PWWP3B: variants seen among roughly 807,000 people sequenced by gnomAD.
The protein encoded by PWWP3B is PWWP domain-containing DNA repair factor 3B.
Under a neutral mutation model 15.7 loss-of-function variants are expected in PWWP3B, and 5 were observed. The ratio of observed to expected loss-of-function variants is 0.32; its 90% CI spans 0.17 to 0.67. The LOEUF is 0.67. Among genes scored for constraint, PWWP3B ranks in the 30% least tolerant of loss-of-function variants. PWWP3B has a pLI of 0.74. For synonymous variants in PWWP3B, 203 were observed against 179.8 expected (o/e 1.13, Z -1.03); for missense variants, 519 against 493.1 (o/e 1.05, Z -0.50).
chrX:106,197,345 T>G (rs1923439238), intron 2 of PWWP3B, among the ~76,000 whole-genome samples: 1 of 111,469 alleles, frequency 9.0e-6, no homozygotes, highest in African/African-American at 3.3e-5. Flanking sequence ...GTTTCCTATC[T>G]CTCCCTCCCA....
chrX:106,197,571 C>T (rs1170549276), intron 2 of PWWP3B, among the ~76,000 whole-genome samples: 4 of 112,442 alleles, frequency 3.6e-5, no homozygotes, highest in African/African-American at 1.3e-4. Context: ...CTGCTTTGTC[C>T]TGAGTCATTT....
chrX:106,194,760 G>C (rs1042925245), intron 2 of PWWP3B, among the ~76,000 whole-genome samples: 5 of 111,971 alleles, frequency 4.5e-5, no homozygotes. Flanking sequence ...CCTTCTAACA[G>C]ACAGGACCCT....
At chrX:106,177,138 C>T (rs1313194900) in intron 2 of PWWP3B, 1 of 113,019 alleles carries the variant, frequency 8.8e-6, no homozygotes, top group Admixed American at 9.3e-5. Context: ...CACATGTTGC[C>T]ATTCCGCTTT....
Position 106,207,726 on chromosome X carries a change from A to G in PWWP3B, c.*203A>G, listed in dbSNP as rs185590779. On this transcript the variant is annotated 3_prime_UTR_variant, in exon 4 of 4. Transcript: ENST00000357175. ...CGCTTCTTCAAAGTTAATTTTGTCA[A>G]CATATTTCAGCAGTTCTACTTTCCC... 12 of 365,046 alleles carry G rather than the reference A, an allele frequency of 3.3e-5. No homozygotes were observed. In the Admixed American group the frequency reaches 4.8e-4, roughly 15 times the overall value. 30.1% of individuals were successfully genotyped at this position (365,046 alleles called of 1,213,427 possible).
intron 2 of PWWP3B, among the ~76,000 whole-genome samples, chrX:106,178,798 G>A (rs1009223669): frequency 1.2e-4 from 13 of 112,218 alleles, no homozygotes; most frequent in Non-Finnish European, 2.4e-4. Context: ...ACAGGAAATA[G>A]TATCTTTCCA....
At chrX:106,199,552 G>A (rs1418630999) in intron 2 of PWWP3B, among the ~76,000 whole-genome samples, 1 of 110,957 alleles carries the variant, frequency 9.0e-6, no homozygotes, top group Non-Finnish European at 1.9e-5. Context: ...AAGTCACTTT[G>A]TGGTCCAGAA....
intron 2 of PWWP3B, among the ~76,000 whole-genome samples, chrX:106,190,794 A>T (rs1231230736): frequency 1.8e-5 from 2 of 111,790 alleles, no homozygotes; most frequent in African/African-American, 6.5e-5. Context: ...CTGTTTATTA[A>T]ATAGGGAATC....
intron 2 of PWWP3B, among the ~76,000 whole-genome samples, chrX:106,191,120 A>G (rs1238203928): frequency 9.1e-6 from 1 of 109,442 alleles, no homozygotes; most frequent in Non-Finnish European, 1.9e-5. Flanking sequence ...CATTGAATCT[A>G]TAAATTACCT....
intron 2 of PWWP3B, among the ~76,000 whole-genome samples, chrX:106,185,002 G>A (rs1922422385): frequency 1.8e-5 from 2 of 111,831 alleles, no homozygotes; most frequent in Non-Finnish European, 3.8e-5. Flanking sequence ...AGGTTCTGCT[G>A]TGGGATGTAA....
chrX:106,184,362 G>T (rs1416003566), intron 2 of PWWP3B, among the ~76,000 whole-genome samples: 1 of 111,347 alleles, frequency 9.0e-6, no homozygotes, highest in Non-Finnish European at 1.9e-5. Flanking sequence ...AAAGGCAGAA[G>T]GATTTTCTTC....
chrX:106,181,439 A>G (rs1377888588), intron 2 of PWWP3B, among the ~76,000 whole-genome samples: 1 of 111,814 alleles, frequency 8.9e-6, no homozygotes, highest in African/African-American at 3.3e-5. Flanking sequence ...ACAATCCTTT[A>G]GCTAGACACA....
intron 2 of PWWP3B, among the ~76,000 whole-genome samples, chrX:106,180,366 T>TC (rs1419990967): frequency 9.0e-6 from 1 of 110,984 alleles, no homozygotes; most frequent in Admixed American, 9.6e-5. Flanking sequence ...TTTAAATATT[T>TC]CCCCCCCAAC....
At chrX:106,205,094 T>G (rs774887221) in intron 3 of PWWP3B, 125 bp from the exon 4 acceptor site, 29 of 160,127 alleles carry the variant, frequency 1.8e-4, no homozygotes, top group Non-Finnish European at 3.3e-4. Context: ...TGCTGCCTCC[T>G]CTGTCTCATG....
At chrX:106,178,346 A>G (rs1470313295) in intron 2 of PWWP3B, among the ~76,000 whole-genome samples, 3 of 112,628 alleles carry the variant, frequency 2.7e-5, no homozygotes, top group Non-Finnish European at 5.6e-5. Context: ...CTGACAAATG[A>G]AAGTATGAAC....
At chrX:106,200,330 T>C (rs889153538) in intron 2 of PWWP3B, among the ~76,000 whole-genome samples, 6 of 111,197 alleles carry the variant, frequency 5.4e-5, no homozygotes, top group Non-Finnish European at 9.4e-5. Context: ...AAATAAACTT[T>C]TGGGGGATTG....
intron 2 of PWWP3B, among the ~76,000 whole-genome samples, chrX:106,178,987 T>C (rs963005258): frequency 8.9e-6 from 1 of 111,987 alleles, no homozygotes; most frequent in African/African-American, 3.2e-5. Context: ...AGCTGCTTGC[T>C]GGCAGGATGT....
chrX:106,192,614 G>T (rs1054272925), intron 2 of PWWP3B, among the ~76,000 whole-genome samples: 1 of 109,838 alleles, frequency 9.1e-6, no homozygotes, highest in African/African-American at 3.4e-5. Context: ...TGCTTTTCTA[G>T]TTCTTTTAAT....
chrX:106,206,570 C>A lies in PWWP3B; in HGVS notation c.1138C>A (p.Arg380Ser). Residue 380 changes from arginine to serine, a missense_variant, in exon 4 of 4, where the codon CGC (arginine) becomes AGC (serine). Transcript: ENST00000357175. ...TGATGAGGAAGACGAAGAACTTCCA[C>A]GCTTCATTTTACATTATGAGACACA... is the stretch of plus-strand genomic sequence containing the variant. ...DDDEEDEELP[R>S]FILHYETHPF... The A allele has an allele frequency of 2.5e-6, 3 of 1,208,931 alleles. No homozygotes were observed. The highest frequency in any genetic ancestry group is 3.4e-6 in the Non-Finnish European group (3 of 894,252).
chrX:106,197,422 G>T (rs1226641959), intron 2 of PWWP3B, among the ~76,000 whole-genome samples: 1 of 111,685 alleles, frequency 9.0e-6, no homozygotes, highest in African/African-American at 3.3e-5. Context: ...TCAGGAGAGG[G>T]TTTGCTGCTT....
Sources: allele counts gnomAD v4.1 joint callset (sites outside exome capture counted in the v4.1 genomes callset), GRCh38; gene constraint gnomAD v4.1.1; transcripts MANE v1.5; gene names NCBI Gene and HGNC (gene_info 2026-07-23, HGNC 2026-07-21).